EIPR1: variants seen among roughly 807,000 people sequenced by gnomAD.
The protein encoded by EIPR1 is EARP and GARP complex-interacting protein 1.
A neutral mutation model predicts 48.1 loss-of-function variants in EIPR1; 25 were observed. That is an observed-to-expected ratio of 0.52 (90% CI 0.38 to 0.73). The LOEUF is 0.73. Among genes scored for constraint, EIPR1 ranks in the 30% least tolerant of loss-of-function variants. The pLI is 0.00. For missense variants in EIPR1, 415 were observed against 506.2 expected (o/e 0.82, Z 1.73); for synonymous variants, 204 against 201.9 (o/e 1.01, Z -0.09).
At chr2:3,278,688 G>T (rs569120445) in intron 3 of EIPR1, among the ~76,000 whole-genome samples, 1 of 152,224 alleles carries the variant, frequency 6.6e-6, no homozygotes, top group East Asian at 1.9e-4. Flanking sequence ...CCGCTTCAGG[G>T]CCCCCAGACC....
chr2:3,324,456 C>G (rs1013735273), intron 3 of EIPR1, among the ~76,000 whole-genome samples: 4 of 152,224 alleles, frequency 2.6e-5, no homozygotes, highest in Non-Finnish European at 4.4e-5. Flanking sequence ...AGGATGCTGC[C>G]CTCCAGGCTG....
intron 2 of EIPR1, among the ~76,000 whole-genome samples, chr2:3,346,572 G>A (rs769514246): frequency 3.9e-5 from 6 of 152,174 alleles, no homozygotes; most frequent in Admixed American, 6.5e-5. Context: ...GTCAGGGATC[G>A]CAAGGTGTCA....
intron 4 of EIPR1, 181 bp from the exon 5 acceptor site, chr2:3,214,429 T>C (rs1257670591): frequency 3.8e-6 from 2 of 527,844 alleles, no homozygotes; most frequent in Non-Finnish European, 6.7e-6. Flanking sequence ...CTCACTGTTA[T>C]GGACTGAATT....
intron 3 of EIPR1, among the ~76,000 whole-genome samples, chr2:3,289,211 T>C (rs1267238322): frequency 2.0e-5 from 3 of 152,178 alleles, no homozygotes; most frequent in Non-Finnish European, 4.4e-5. Flanking sequence ...CTCTCAGGGC[T>C]CGCTCTTCCT....
intron 3 of EIPR1, chr2:3,301,398 C>T (rs956515902): frequency 2.6e-5 from 4 of 152,002 alleles, no homozygotes; most frequent in African/African-American, 9.7e-5. Context: ...TGAGGAGTCT[C>T]CCAGGCCAGG....
intron 3 of EIPR1, among the ~76,000 whole-genome samples, chr2:3,260,526 G>GGAGT: frequency 7.2e-6 from 1 of 138,836 alleles, no homozygotes; most frequent in East Asian, 2.2e-4. Context: ...AGGGAGGGAG[G>GGAGT]GAGGGAGGGA....
chr2:3,209,633 A>C (rs72763747), intron 5 of EIPR1, among the ~76,000 whole-genome samples: 97 of 152,352 alleles, frequency 6.4e-4, no homozygotes, highest in Non-Finnish European at 1.1e-3. Context: ...AAAGACCAAC[A>C]AACTGAACTT....
At chr2:3,303,851 C>A (rs1275675625) in intron 3 of EIPR1, among the ~76,000 whole-genome samples, 1 of 152,126 alleles carries the variant, frequency 6.6e-6, no homozygotes, top group African/African-American at 2.4e-5. Context: ...GGCTGACCAG[C>A]CATAACAGAC....
Position 3,356,427 on chromosome 2 carries a change from G to A in EIPR1, c.43-1794C>T, listed in dbSNP as rs150787700. ...AGAAGATAAAACTAAGATCTCAGGT[G>A]ATGAATCTGAGGCTTAGAGGAAAAA... On this transcript the variant is annotated intron_variant, in intron 1 of 8. Transcript: ENST00000382125. Among the ~76,000 whole-genome samples the A allele has an allele frequency of 8.6e-3, 1,304 of 152,324 alleles. 15 individuals carry two copies. Among genetic ancestry groups the A allele is most frequent in the South Asian group, 0.024 (115 of 4,828 alleles).
intron 3 of EIPR1, among the ~76,000 whole-genome samples, chr2:3,298,157 C>T (rs1016876420): frequency 6.6e-6 from 1 of 152,198 alleles, no homozygotes; most frequent in African/African-American, 2.4e-5. Context: ...TTAACAGATG[C>T]TTGTTAGCAG....
chr2:3,259,223 G>C (rs928560730), intron 3 of EIPR1, among the ~76,000 whole-genome samples: 3 of 152,138 alleles, frequency 2.0e-5, no homozygotes, highest in African/African-American at 7.2e-5. Context: ...AAATACACAA[G>C]ATGACAAAGG....
chr2:3,325,336 G>C (rs1333569541), intron 3 of EIPR1, among the ~76,000 whole-genome samples: 1 of 152,220 alleles, frequency 6.6e-6, no homozygotes, highest in Non-Finnish European at 1.5e-5. Flanking sequence ...GTGAGAATGG[G>C]AATTCTCCCA....
At chr2:3,218,512 G>A (rs959149086) in intron 4 of EIPR1, among the ~76,000 whole-genome samples, 9 of 148,600 alleles carry the variant, frequency 6.1e-5, no homozygotes, top group African/African-American at 2.3e-4. Flanking sequence ...GTATACTCTA[G>A]AGCATTCACA....
chr2:3,339,866 C>A (rs186592251), intron 2 of EIPR1, among the ~76,000 whole-genome samples: 1 of 152,182 alleles, frequency 6.6e-6, no homozygotes, highest in Non-Finnish European at 1.5e-5. Flanking sequence ...AGGAGAATGG[C>A]GTGAACCCGG....
chr2:3,333,077 G>A (rs1257734517), intron 3 of EIPR1, among the ~76,000 whole-genome samples: 2 of 152,180 alleles, frequency 1.3e-5, no homozygotes, highest in East Asian at 3.9e-4. Context: ...CTTCAGCTGT[G>A]CACGGGGAGC....
At chr2:3,247,003 A>AGGGAGAGAGGGAGGGAGAGAGGGAGGGAG (rs374891827) in intron 4 of EIPR1, among the ~76,000 whole-genome samples, 1 of 5,510 alleles carries the variant, frequency 1.8e-4, no homozygotes, top group East Asian at 0.014. Context: ...AGAGCGAGGG[A>AGGGAGAGAGGGAGGGAGAGAGGGAGGGAG]GGAGAGAGCG....
intron 1 of EIPR1, among the ~76,000 whole-genome samples, chr2:3,355,988 A>C (rs865824423): frequency 6.6e-6 from 1 of 152,206 alleles, no homozygotes; most frequent in Non-Finnish European, 1.5e-5. Context: ...ACGGTATCTA[A>C]AGGAGACTTA....
At chr2:3,212,977 T>G (rs141351256) in intron 5 of EIPR1, among the ~76,000 whole-genome samples, 1,757 of 152,342 alleles carry the variant, frequency 0.012, 20 homozygotes, top group Non-Finnish European at 0.018. Flanking sequence ...TTTTAAGTCT[T>G]ACTTCTGTGC....
At chr2:3,225,394 T>C (rs962471008) in intron 4 of EIPR1, among the ~76,000 whole-genome samples, 2 of 152,064 alleles carry the variant, frequency 1.3e-5, no homozygotes, top group Non-Finnish European at 2.9e-5. Context: ...CACAGGCACA[T>C]GCCACCCTAC....
Sources: allele counts gnomAD v4.1 joint callset (sites outside exome capture counted in the v4.1 genomes callset), GRCh38; gene constraint gnomAD v4.1.1; transcripts MANE v1.5; gene names NCBI Gene and HGNC (gene_info 2026-07-23, HGNC 2026-07-21).